Variants in CPNE5 observed in about 807,000 individuals in gnomAD.
The protein encoded by CPNE5 is copine-5.
In CPNE5, 42 loss-of-function variants were observed where a neutral mutation model predicts 81.1. The observed-to-expected ratio is 0.52, with a 90% CI of 0.40 to 0.67. The LOEUF is 0.67. CPNE5 is among the 30% of genes least tolerant of loss of function. The probability of loss-of-function intolerance (pLI) is 0.00; values close to 1 mark genes in which losing one functional copy is unlikely to be tolerated. For missense variants in CPNE5, 612 were observed against 815.5 expected, an observed-to-expected ratio of 0.75 and a Z score of 3.04; for synonymous variants, 313 against 321.5, an observed-to-expected ratio of 0.97 and a Z score of 0.28.
At chr6:36,782,888 A>G (rs912424035) in intron 8 of CPNE5, among the ~76,000 whole-genome samples, 65 of 150,516 alleles carry the variant, frequency 4.3e-4, no homozygotes, top group African/African-American at 1.5e-3. Context: ...CAAAGGAGCC[A>G]AGGGCCACCT....
intron 3 of CPNE5, among the ~76,000 whole-genome samples, chr6:36,804,981 T>C (rs1770457109): frequency 6.6e-6 from 1 of 152,014 alleles, no homozygotes. Context: ...AGATGTTTTA[T>C]AGCCTTCATT....
In CPNE5 at chr6:36,766,799, C is replaced by T. The variant is rs1347614272; in HGVS notation, c.738-1423G>A. On this transcript the variant is annotated intron_variant, in intron 10 of 20. Transcript: ENST00000244751. This position sits in a 1 kb window ranked among gnomAD's most constrained non-coding sequence, Gnocchi z 4.2. ...CGCCTGCTGCATGGGAGGGTCTCTA[C>T]AAAAATGCCTCCTTCTCTCCACTTC... Among the ~76,000 whole-genome samples the T allele has an allele frequency of 6.6e-6, 1 of 152,166 alleles. No individual in the cohort carries two copies. The highest frequency in any genetic ancestry group is 1.5e-5 in the Non-Finnish European group (1 of 68,020).
At chr6:36,775,149 C>A in intron 9 of CPNE5, 84 bp from the exon 10 acceptor site, 1 of 975,070 alleles carries the variant, frequency 1.0e-6, no homozygotes. Flanking sequence ...TCAGCTGGTT[C>A]ACATCTCTGG....
chr6:36,835,728 G>A (rs925199879), intron 1 of CPNE5, among the ~76,000 whole-genome samples: 21 of 151,910 alleles, frequency 1.4e-4, no homozygotes, highest in African/African-American at 4.1e-4. Context: ...CCCAGAAAGC[G>A]GAGGTTGCAG....
intron 8 of CPNE5, among the ~76,000 whole-genome samples, chr6:36,783,970 A>G (rs963141298): frequency 5.9e-5 from 9 of 152,270 alleles, no homozygotes; most frequent in African/African-American, 2.2e-4. Flanking sequence ...CAAGTCATCA[A>G]GATAAGTTTA....
Position 36,792,047 on chromosome 6 carries a change from GCTC to G in CPNE5, c.511_513del (p.Glu171del). 1 of 1,614,046 alleles carries G rather than the reference GCTC, an allele frequency of 6.2e-7. No individual in the cohort carries two copies. Among genetic ancestry groups the G allele is most frequent in the Non-Finnish European group, 8.5e-7 (1 of 1,179,908 alleles). Reference sequence around the variant, plus strand: ...CTGCCACTCACCCTACAGTTGCTGAGCTCCTCAGCGGACAGGATGATGGTGCCA... The same window carrying G: ...CTGCCACTCACCCTACAGTTGCTGAGCTCAGCGGACAGGATGATGGTGCCA... On this transcript the variant is annotated inframe_deletion, in exon 8 of 21. Transcript: ENST00000244751.
chr6:36,781,387 C>T (rs1479322427), intron 8 of CPNE5, among the ~76,000 whole-genome samples: 1 of 144,510 alleles, frequency 6.9e-6, no homozygotes, highest in East Asian at 2.0e-4. Context: ...CTTTATACAA[C>T]CATACAAAAT....
In CPNE5 at chr6:36,811,540, A is replaced by G. The variant is rs181975079; in HGVS notation, c.183+10574T>C. On this transcript the variant is annotated intron_variant, in intron 3 of 20. Coordinates refer to ENST00000244751, the MANE Select transcript of CPNE5 (RefSeq NM_020939.2). Reference sequence around the variant, plus strand: ...TTTTAAACTTGACTTTGGAGTGCACACTTTCAACAGCTCAGCCACAACTGT... The same window carrying G: ...TTTTAAACTTGACTTTGGAGTGCACGCTTTCAACAGCTCAGCCACAACTGT... Among the ~76,000 whole-genome samples, 19 of 152,306 alleles carry G rather than the reference A, an allele frequency of 1.2e-4. No individual in the cohort carries two copies. In the East Asian group the frequency reaches 3.5e-3, roughly 28 times the overall value.
intron 18 of CPNE5, 117 bp downstream of exon 18, chr6:36,744,931 C>G (rs935571863): frequency 8.3e-6 from 6 of 723,192 alleles, no homozygotes; most frequent in East Asian, 8.1e-5. Flanking sequence ...AAGCCACGCC[C>G]AAGTCATCTC....
At chr6:36,789,683 G>A (rs750753172) in intron 8 of CPNE5, among the ~76,000 whole-genome samples, 3 of 152,194 alleles carry the variant, frequency 2.0e-5, no homozygotes, top group Non-Finnish European at 4.4e-5. Context: ...TCCCTTGTCT[G>A]AACTCCAGTG....
intron 10 of CPNE5, among the ~76,000 whole-genome samples, chr6:36,769,398 G>T (rs1766857448): frequency 6.6e-6 from 1 of 152,212 alleles, no homozygotes; most frequent in South Asian, 2.1e-4. Flanking sequence ...GGGCAAGCCA[G>T]CAGGGATGAG....
At chr6:36,828,989 T>G (rs1198758922) in intron 1 of CPNE5, among the ~76,000 whole-genome samples, 5 of 152,162 alleles carry the variant, frequency 3.3e-5, no homozygotes, top group Non-Finnish European at 4.4e-5. Flanking sequence ...CATAGTAAGT[T>G]GCAATGCAGT....
chr6:36,835,466 C>T (rs1279908238), intron 1 of CPNE5, among the ~76,000 whole-genome samples: 1 of 152,118 alleles, frequency 6.6e-6, no homozygotes, highest in South Asian at 2.1e-4. Context: ...GTTCCACAAA[C>T]CATCTGCCCT....
chr6:36,780,441 A>G (rs1357759941), intron 8 of CPNE5, among the ~76,000 whole-genome samples: 1 of 152,238 alleles, frequency 6.6e-6, no homozygotes, highest in Non-Finnish European at 1.5e-5. Flanking sequence ...TGCCTACTTC[A>G]GTCCCAATCC....
At chr6:36,818,142 C>T (rs1048005755) in intron 3 of CPNE5, among the ~76,000 whole-genome samples, 3 of 152,140 alleles carry the variant, frequency 2.0e-5, no homozygotes, top group Non-Finnish European at 2.9e-5. Flanking sequence ...CCTTCCAACC[C>T]ATATCTCCTC....
intron 3 of CPNE5, among the ~76,000 whole-genome samples, chr6:36,808,251 T>C (rs2150553308): frequency 6.6e-6 from 1 of 152,008 alleles, no homozygotes; most frequent in East Asian, 1.9e-4. Flanking sequence ...CCACCACGCC[T>C]GGCTAAGTTT....
At chr6:36,776,966 C>T (rs1033796023) in intron 9 of CPNE5, among the ~76,000 whole-genome samples, 8 of 152,218 alleles carry the variant, frequency 5.3e-5, no homozygotes, top group Non-Finnish European at 1.0e-4. Flanking sequence ...ACTGGCCCAC[C>T]GCTAGGCGGG....
intron 18 of CPNE5, 185 bp from the exon 19 acceptor site, chr6:36,744,510 A>C (rs1763907966): frequency 1.6e-6 from 1 of 610,278 alleles, no homozygotes; most frequent in Non-Finnish European, 2.9e-6. Context: ...TAAAGAGCAA[A>C]GGAAACCAGG....
chr6:36,799,611 C>A (rs919023385), intron 4 of CPNE5, among the ~76,000 whole-genome samples: 10 of 152,178 alleles, frequency 6.6e-5, no homozygotes, highest in African/African-American at 2.4e-4. Flanking sequence ...GAGGAAGCAG[C>A]CAGTGGGTAC....
Sources: allele counts gnomAD v4.1 joint callset (sites outside exome capture counted in the v4.1 genomes callset), GRCh38; gene constraint gnomAD v4.1.1; non-coding constraint Gnocchi (gnomAD v3.1); transcripts MANE v1.5; gene names NCBI Gene and HGNC (gene_info 2026-07-23, HGNC 2026-07-21).